Variants in NDFIP2 observed in about 807,000 individuals in gnomAD.
NDFIP2 encodes the protein Nedd4 family interacting protein 2, also known as NEDD4 family-interacting protein 2.
A neutral mutation model predicts 36.0 loss-of-function variants in NDFIP2; 19 were observed. That is an observed-to-expected ratio of 0.53 (90% CI 0.37 to 0.77). NDFIP2 has a LOEUF of 0.77. NDFIP2 is among the 30% of genes least tolerant of loss of function. The pLI is 0.00. For synonymous variants in NDFIP2, 181 were observed against 167.7 expected, an observed-to-expected ratio of 1.08 and a Z score of -0.61; for missense variants, 446 against 435.8, an observed-to-expected ratio of 1.02 and a Z score of -0.21.
At chr13:79,541,122 T>C (rs1322624155) in intron 4 of NDFIP2, among the ~76,000 whole-genome samples, 1 of 152,068 alleles carries the variant, frequency 6.6e-6, no homozygotes, top group Non-Finnish European at 1.5e-5. Context: ...TTATACCTTT[T>C]AAGAAACCTT....
At chr13:79,521,861 C>T (rs1380461982) in intron 2 of NDFIP2, among the ~76,000 whole-genome samples, 5 of 133,216 alleles carry the variant, frequency 3.8e-5, no homozygotes, top group African/African-American at 1.1e-4. Context: ...CTTACTCTGT[C>T]GCCCAGGCTG....
chr13:79,498,916 C>G (rs993283597), intron 1 of NDFIP2, among the ~76,000 whole-genome samples: 1 of 151,866 alleles, frequency 6.6e-6, no homozygotes, highest in African/African-American at 2.4e-5. Context: ...TTCTCTGAGG[C>G]CAGCATTACC....
chr13:79,506,776 A>G (rs1360620934), intron 1 of NDFIP2, among the ~76,000 whole-genome samples: 1 of 152,140 alleles, frequency 6.6e-6, no homozygotes, highest in Non-Finnish European at 1.5e-5. Context: ...ACAGACAGGA[A>G]TAATTTCATA....
intron 1 of NDFIP2, among the ~76,000 whole-genome samples, chr13:79,483,884 C>T (rs757299139): frequency 2.0e-5 from 3 of 152,178 alleles, no homozygotes; most frequent in Non-Finnish European, 4.4e-5. Context: ...CCAGGTATGA[C>T]ACGTAATTTT....
At chr13:79,504,676 G>GTTCA (rs1873793095) in intron 1 of NDFIP2, among the ~76,000 whole-genome samples, 3 of 151,526 alleles carry the variant, frequency 2.0e-5, no homozygotes, top group Non-Finnish European at 4.4e-5. Flanking sequence ...TTTTAGAAAG[G>GTTCA]TTCAGGTCAG....
chr13:79,543,798 T>C, intron 5 of NDFIP2, 116 bp downstream of exon 5: 1 of 1,301,714 alleles, frequency 7.7e-7, no homozygotes, highest in Non-Finnish European at 1.1e-6. Flanking sequence ...TCAAGGCTTA[T>C]TCTTAAATCC....
At chr13:79,511,372 G>C (rs1874078937) in intron 1 of NDFIP2, among the ~76,000 whole-genome samples, 1 of 152,138 alleles carries the variant, frequency 6.6e-6, no homozygotes, top group Non-Finnish European at 1.5e-5. Context: ...TAAAGACTTG[G>C]GTGATGTGGG....
chr13:79,492,880 A>AT (rs1229176000), intron 1 of NDFIP2, among the ~76,000 whole-genome samples: 5 of 151,642 alleles, frequency 3.3e-5, no homozygotes, highest in South Asian at 2.1e-4. Context: ...TATCTTTCCC[A>AT]TTTTTTCTTT....
chr13:79,511,093 T>TTA (rs1874067475), intron 1 of NDFIP2, among the ~76,000 whole-genome samples: 1 of 151,974 alleles, frequency 6.6e-6, no homozygotes, highest in Non-Finnish European at 1.5e-5. Context: ...GTTTTAGACT[T>TTA]TAAAGGTGTC....
chr13:79,493,774 A>G (rs1301865840), intron 1 of NDFIP2, among the ~76,000 whole-genome samples: 1 of 152,112 alleles, frequency 6.6e-6, no homozygotes, highest in Non-Finnish European at 1.5e-5. Flanking sequence ...TATAGCTTAA[A>G]AAGTCTGGTA....
chr13:79,540,835 T>C (rs1216865393), intron 4 of NDFIP2, among the ~76,000 whole-genome samples: 1 of 152,166 alleles, frequency 6.6e-6, no homozygotes, highest in Non-Finnish European at 1.5e-5. Context: ...CTAATTGTAA[T>C]GTTCACGTTG....
chr13:79,533,077 A>G (rs1168285086), intron 2 of NDFIP2, among the ~76,000 whole-genome samples: 2 of 152,162 alleles, frequency 1.3e-5, no homozygotes, highest in Non-Finnish European at 2.9e-5. Context: ...ATTTCATTCT[A>G]GAGGTTCTTG....
At chr13:79,509,676 G>GAT (rs755208266) in intron 1 of NDFIP2, among the ~76,000 whole-genome samples, 142 of 147,820 alleles carry the variant, frequency 9.6e-4, no homozygotes, top group African/African-American at 2.9e-3. Context: ...GTATATTATC[G>GAT]ATATATATAT....
At position 79,481,386 on chromosome 13, in the gene NDFIP2, A is replaced by G. The variant is rs2140723467; in HGVS notation, c.183A>G (p.Gly61=). 1.9e-6 allele frequency: 3 copies of G among 1,555,540 alleles called. No homozygotes were observed. Among genetic ancestry groups the G allele is most frequent in the South Asian group, 2.4e-5 (2 of 84,510 alleles). ...PGDRGCRNGG[G]RGPAATTSST... ...ACCGCGGCTGCAGGAACGGAGGCGG[A>G]AGGGGCCCTGCGGCGACGACGTCGT... The change falls in exon 1 of 8, where the codon GGA becomes GGG. Residue 61 remains glycine, a synonymous_variant. Coordinates refer to ENST00000218652, the MANE Select transcript of NDFIP2 (RefSeq NM_019080.3).
chr13:79,515,850 T>C (rs2137079829), intron 1 of NDFIP2, among the ~76,000 whole-genome samples: 1 of 132,676 alleles, frequency 7.5e-6, no homozygotes, highest in East Asian at 2.6e-4. Context: ...TTATTGTAAT[T>C]CTAATCTGTT....
At chr13:79,486,886 T>G (rs1873013409) in intron 1 of NDFIP2, among the ~76,000 whole-genome samples, 1 of 152,188 alleles carries the variant, frequency 6.6e-6, no homozygotes, top group Admixed American at 6.5e-5. Flanking sequence ...CTAGGAGCAA[T>G]AGGCTAGACC....
At chr13:79,525,231 T>C (rs542818615) in intron 2 of NDFIP2, among the ~76,000 whole-genome samples, 2 of 152,216 alleles carry the variant, frequency 1.3e-5, no homozygotes, top group South Asian at 2.1e-4. Context: ...AGTCGGAACA[T>C]GTTTCTGCTT....
intron 4 of NDFIP2, among the ~76,000 whole-genome samples, chr13:79,541,233 A>G (rs1256698286): frequency 6.6e-6 from 1 of 151,766 alleles, no homozygotes. Flanking sequence ...TAATTATGCA[A>G]CTCAGAAGTC....
chr13:79,485,475 C>T (rs1422018142), intron 1 of NDFIP2, among the ~76,000 whole-genome samples: 1 of 152,192 alleles, frequency 6.6e-6, no homozygotes, highest in Non-Finnish European at 1.5e-5. Flanking sequence ...TAGTTATACT[C>T]ATTTCATTTT....
Sources: gnomAD v4.1 joint callset for allele counts (sites outside exome capture counted in the v4.1 genomes callset) on GRCh38, gnomAD v4.1.1 for gene constraint, MANE v1.5 for transcripts, NCBI Gene and HGNC (gene_info 2026-07-23, HGNC 2026-07-21) for gene names.